ACYP2: variants seen among roughly 807,000 people sequenced by gnomAD.
The protein encoded by ACYP2 is acylphosphatase 2.
ACYP2 carries 12 observed loss-of-function variants against 11.2 expected under a neutral mutation model. The ratio of observed to expected loss-of-function variants is 1.08; its 90% CI spans 0.69 to 1.74. The LOEUF (loss-of-function observed/expected upper bound fraction) is 1.74, where lower values mean the gene tolerates loss of function less well. Ranked by LOEUF, ACYP2 falls within the 40% of genes most tolerant of loss-of-function variation. ACYP2 has a pLI of 0.00. For synonymous variants in ACYP2, 43 were observed against 32.2 expected (o/e 1.33, Z -1.13); for missense variants, 134 against 101.9 (o/e 1.31, Z -1.35).
At chr2:54,069,936 C>G (rs988094684) in intron 4 of ACYP2, among the ~76,000 whole-genome samples, 2 of 152,172 alleles carry the variant, frequency 1.3e-5, no homozygotes, top group African/African-American at 2.4e-5. Flanking sequence ...GAATACTTCT[C>G]TGGCATAAGT....
chr2:54,191,055 C>G (rs1684218451), intron 6 of ACYP2, among the ~76,000 whole-genome samples: 1 of 152,072 alleles, frequency 6.6e-6, no homozygotes, highest in South Asian at 2.1e-4. Context: ...CTCATGCCCC[C>G]ACTCCAGTGA....
At chr2:53,993,571 T>C (rs1227354029) in intron 2 of ACYP2, among the ~76,000 whole-genome samples, 1 of 151,118 alleles carries the variant, frequency 6.6e-6, no homozygotes, top group African/African-American at 2.4e-5. Flanking sequence ...GTGGTGGGCA[T>C]CTGTAGTCTC....
Position 54,224,464 on chromosome 2 carries a change from C to T in ACYP2, c.405-80224C>T, listed in dbSNP as rs558108075. Among the ~76,000 whole-genome samples, 126 of 152,262 alleles carry T rather than the reference C, an allele frequency of 8.3e-4. 1 individual carries two copies. Among genetic ancestry groups the T allele is most frequent in the Middle Eastern group, 6.8e-3 (2 of 294 alleles). On this transcript the variant is annotated intron_variant, in intron 6 of 6. Transcript: ENST00000607452. The stretch of plus-strand genomic sequence containing the variant: ...TTCTATGGACTCAGAATGGGGAGTG[C>T]GTGCTGATTGGTTTGTGTGTATGCA...
intron 6 of ACYP2, chr2:54,166,888 G>A (rs1682998811): frequency 6.6e-6 from 1 of 152,112 alleles, no homozygotes. Context: ...AGGGCAGCAG[G>A]CAGGCCCTCT....
chr2:54,068,240 A>G (rs1676844267), intron 4 of ACYP2, among the ~76,000 whole-genome samples: 2 of 152,166 alleles, frequency 1.3e-5, no homozygotes, highest in South Asian at 4.1e-4. Flanking sequence ...GTACAGTCCT[A>G]TCCATTTGTT....
chr2:54,291,933 G>A (rs1297640767), intron 6 of ACYP2, among the ~76,000 whole-genome samples: 1 of 152,158 alleles, frequency 6.6e-6, no homozygotes, highest in Non-Finnish European at 1.5e-5. Context: ...TTCTATAGGG[G>A]TATGCACTGG....
intron 6 of ACYP2, among the ~76,000 whole-genome samples, chr2:54,150,962 C>T (rs1296703389): frequency 1.4e-5 from 2 of 147,134 alleles, no homozygotes; most frequent in Non-Finnish European, 3.0e-5. Flanking sequence ...AGGATGGTCT[C>T]GATCTCCTGA....
At chr2:53,975,055 TC>T (rs1671403353) in intron 2 of ACYP2, among the ~76,000 whole-genome samples, 1 of 151,930 alleles carries the variant, frequency 6.6e-6, no homozygotes. Context: ...TGACACCCCG[TC>T]TCTACTAAAA....
chr2:54,116,085 C>G (rs992429629), intron 4 of ACYP2, among the ~76,000 whole-genome samples: 10 of 152,074 alleles, frequency 6.6e-5, no homozygotes, highest in Non-Finnish European at 1.2e-4. Context: ...AGAAGAGGGT[C>G]TTTTAACTAG....
In ACYP2 at chr2:54,045,287, G is replaced by C. The variant is rs528751711; in HGVS notation, c.63-5671G>C. ...TAAAAACCCCAGCCTACAATTCCTTGGGGAGATGGATTTGAGGGTCTCCTC... is the reference window on the plus strand; with the variant it reads ...TAAAAACCCCAGCCTACAATTCCTTCGGGAGATGGATTTGAGGGTCTCCTC... On this transcript the variant is annotated intron_variant, in intron 2 of 6. Transcript: ENST00000607452. Among the ~76,000 whole-genome samples, 13 of 152,242 alleles carry C rather than the reference G, an allele frequency of 8.5e-5. No homozygotes were observed. The South Asian group carries it at 2.5e-3, about 29-fold the overall frequency.
intron 2 of ACYP2, among the ~76,000 whole-genome samples, chr2:54,040,289 G>T (rs1204908844): frequency 6.6e-6 from 1 of 152,154 alleles, no homozygotes; most frequent in Non-Finnish European, 1.5e-5. Flanking sequence ...AACAGGATTT[G>T]GTGGTAGGGC....
chr2:54,194,692 C>T (rs1325970775), intron 6 of ACYP2, among the ~76,000 whole-genome samples: 6 of 152,032 alleles, frequency 3.9e-5, no homozygotes, highest in Non-Finnish European at 5.9e-5. Context: ...ACAAGTTCTG[C>T]AAACACTTTC....
At position 54,099,732 on chromosome 2, in the gene ACYP2, C is replaced by G. The variant is rs184364616; in HGVS notation, c.278-35721C>G. Among the ~76,000 whole-genome samples the G allele has an allele frequency of 4.0e-4, 61 of 152,210 alleles. 1 individual carries two copies. Among genetic ancestry groups the G allele is most frequent in the African/African-American group, 1.4e-3 (57 of 41,526 alleles). ...TATTTTTTTTAGCTCCATATCTTGA[C>G]TACTGTGAAAATGTTGCAGTGAACT... On this transcript the variant is annotated intron_variant, in intron 4 of 6. Coordinates refer to ENST00000607452, the MANE Select transcript of ACYP2 (RefSeq NM_001320586.2).
Position 54,243,628 on chromosome 2 carries a change from C to G in ACYP2, c.405-61060C>G, listed in dbSNP as rs1425883739. On this transcript the variant is annotated intron_variant, in intron 6 of 6. Transcript: ENST00000607452. ...TCCTGCCTCAGCCTCCTGAGTAATC[C>G]CCACAATCTCAGCTCACTGCAACCT... 2.0e-5 allele frequency among the ~76,000 whole-genome samples: 3 copies of G among 151,910 alleles called. No homozygotes were observed. The East Asian group carries it at 5.8e-4, about 29-fold the overall frequency.
chr2:54,001,954 A>G (rs1269275388), intron 2 of ACYP2, among the ~76,000 whole-genome samples: 5 of 152,178 alleles, frequency 3.3e-5, no homozygotes, highest in Non-Finnish European at 1.5e-5. Context: ...CACTATCAAC[A>G]TACCCCACAA....
chr2:54,071,435 T>C (rs546311137), intron 4 of ACYP2, among the ~76,000 whole-genome samples: 41 of 152,152 alleles, frequency 2.7e-4, no homozygotes, highest in Non-Finnish European at 5.6e-4. Context: ...TTTGGCAAGG[T>C]TGCAGCATAC....
At chr2:53,990,987 G>A (rs919121475) in intron 2 of ACYP2, among the ~76,000 whole-genome samples, 1 of 151,992 alleles carries the variant, frequency 6.6e-6, no homozygotes, top group African/African-American at 2.4e-5. Flanking sequence ...CAGTAGAGAC[G>A]GGGTTTCACT....
chr2:54,087,764 C>CAGAT (rs1678015034), intron 4 of ACYP2, among the ~76,000 whole-genome samples: 1 of 152,120 alleles, frequency 6.6e-6, no homozygotes. Flanking sequence ...AAGGGACGGA[C>CAGAT]AGATGGATGG....
chr2:54,023,937 A>G (rs968755728), intron 2 of ACYP2, among the ~76,000 whole-genome samples: 1 of 152,186 alleles, frequency 6.6e-6, no homozygotes, highest in Non-Finnish European at 1.5e-5. Context: ...TTCCTAAATC[A>G]TTCTAGGAAG....
Sources: gnomAD v4.1 joint callset for allele counts (sites outside exome capture counted in the v4.1 genomes callset) on GRCh38, gnomAD v4.1.1 for gene constraint, MANE v1.5 for transcripts, NCBI Gene and HGNC (gene_info 2026-07-23, HGNC 2026-07-21) for gene names.